Variants in PIK3CB observed in about 807,000 individuals in gnomAD.
PIK3CB encodes the protein phosphatidylinositol 4,5-bisphosphate 3-kinase catalytic subunit beta isoform.
In PIK3CB, 39 loss-of-function variants were observed where a neutral mutation model predicts 136.8. That is an observed-to-expected ratio of 0.29 (90% CI 0.22 to 0.37). PIK3CB has a LOEUF of 0.37. Ranked by LOEUF, PIK3CB falls within the 10% of genes least tolerant of loss-of-function variation. The pLI is 1.00. For synonymous variants in PIK3CB, 428 were observed against 436.6 expected (o/e 0.98, Z 0.25); for missense variants, 868 against 1,275.4 (o/e 0.68, Z 4.87).
chr3:138,693,763 A>G (rs1489712923), intron 14 of PIK3CB, among the ~76,000 whole-genome samples: 4 of 151,672 alleles, frequency 2.6e-5, no homozygotes, highest in African/African-American at 9.7e-5. Context: ...CATTTGTGTA[A>G]TAATAATTCC....
At chr3:138,762,046 A>G (rs1218924174) in intron 2 of PIK3CB, among the ~76,000 whole-genome samples, 1 of 151,932 alleles carries the variant, frequency 6.6e-6, no homozygotes, top group African/African-American at 2.4e-5. Flanking sequence ...CAGGAGTTTG[A>G]GACAAGCCTG....
chr3:138,734,467 T>C (rs773699352), intron 7 of PIK3CB, among the ~76,000 whole-genome samples, 167 bp downstream of exon 7: 1 of 152,188 alleles, frequency 6.6e-6, no homozygotes, highest in African/African-American at 2.4e-5. Flanking sequence ...GTAAAAATAA[T>C]AGTATCTAGA....
At chr3:138,708,662 C>T (rs2044430863) in intron 10 of PIK3CB, among the ~76,000 whole-genome samples, 1 of 150,212 alleles carries the variant, frequency 6.7e-6, no homozygotes, top group South Asian at 2.1e-4. Flanking sequence ...AGGCTGGATA[C>T]AAACTCCTAG....
intron 19 of PIK3CB, among the ~76,000 whole-genome samples, chr3:138,680,598 AT>A (rs1360271116): frequency 6.6e-6 from 1 of 152,162 alleles, no homozygotes; most frequent in Admixed American, 6.5e-5. Flanking sequence ...ATAATAGTAT[AT>A]AAAAATACCT....
intron 19 of PIK3CB, among the ~76,000 whole-genome samples, chr3:138,675,020 T>C (rs2043615790): frequency 6.6e-6 from 1 of 152,114 alleles, no homozygotes; most frequent in Non-Finnish European, 1.5e-5. Context: ...ACCGCGCCAC[T>C]GCACTCCAGC....
At position 138,737,636 on chromosome 3, in the gene PIK3CB, A is replaced by G. The variant is rs528110111; in HGVS notation, c.801+71T>C. 15 of 508,024 alleles carry G rather than the reference A, an allele frequency of 3.0e-5. 1 individual carries two copies. The Admixed American group carries it at 6.7e-4, about 23-fold the overall frequency. The allele number at this position is 508,024 out of a possible 1,614,324, so 31.5% of individuals were successfully genotyped here. A position where few individuals can be genotyped will look rare whatever the true frequency, so the allele number is the denominator to read the frequency against. On this transcript the variant is annotated intron_variant, in intron 6 of 23. Transcript: ENST00000674063. Reference sequence around the variant, plus strand: ...AGTGTGGGAACACATTTTTAAAGTCAGAAATAAAATATATATATATATATA... The same window carrying G: ...AGTGTGGGAACACATTTTTAAAGTCGGAAATAAAATATATATATATATATA...
intron 1 of PIK3CB, among the ~76,000 whole-genome samples, chr3:138,833,495 T>A (rs1488496273): frequency 1.3e-5 from 2 of 152,176 alleles, no homozygotes; most frequent in Non-Finnish European, 2.9e-5. Flanking sequence ...AATCTTACAA[T>A]GTAGCATAAA....
chr3:138,760,846 G>A (rs866795034), intron 2 of PIK3CB, among the ~76,000 whole-genome samples: 1 of 152,128 alleles, frequency 6.6e-6, no homozygotes, highest in African/African-American at 2.4e-5. Flanking sequence ...ATCTAAGGCT[G>A]CATTGAGCTA....
rs767438569 is a variant in PIK3CB at position 138,665,146 on chromosome 3, C to G, written c.2562G>C (p.Val854=). The change falls in exon 20 of 24, where the codon GTG becomes GTC. Residue 854 remains valine (V), a synonymous_variant. Transcript: ENST00000674063. ...TGTCAGCAATTGTTTCAGAGGTGCTCACAACTTCAATGAGGCCAGAGCGAT... is the reference window on the plus strand; with the variant it reads ...TGTCAGCAATTGTTTCAGAGGTGCTGACAACTTCAATGAGGCCAGAGCGAT... ...TGDRSGLIEV[V]STSETIADIQ... 1 of 1,613,234 alleles carries G rather than the reference C, an allele frequency of 6.2e-7. No homozygotes were observed. Among genetic ancestry groups the G allele is most frequent in the Non-Finnish European group, 8.5e-7 (1 of 1,179,586 alleles).
At chr3:138,685,405 A>C (rs1378424570) in intron 16 of PIK3CB, among the ~76,000 whole-genome samples, 1 of 140,014 alleles carries the variant, frequency 7.1e-6, no homozygotes, top group African/African-American at 2.8e-5. Context: ...TCAAAAAAAA[A>C]AAAAAAAAAA....
intron 19 of PIK3CB, among the ~76,000 whole-genome samples, chr3:138,679,882 C>T (rs915593839): frequency 5.5e-5 from 8 of 146,190 alleles, no homozygotes; most frequent in Non-Finnish European, 1.2e-4. Flanking sequence ...GCGTAAGCCA[C>T]TGCACCCAGC....
intron 1 of PIK3CB, chr3:138,825,938 C>G: frequency 6.4e-7 from 1 of 1,556,992 alleles, no homozygotes; most frequent in Non-Finnish European, 8.6e-7. Flanking sequence ...CAAAAATGAC[C>G]CACCAATGGA....
At chr3:138,707,346 A>G (rs1479290574) in intron 10 of PIK3CB, 57 bp from the exon 11 acceptor site, 1 of 1,542,126 alleles carries the variant, frequency 6.5e-7, no homozygotes, top group African/African-American at 1.4e-5. Context: ...TAGGCTTTAA[A>G]AAAGCTGTAA....
chr3:138,789,829 T>C (rs1170598695), intron 2 of PIK3CB, among the ~76,000 whole-genome samples: 1 of 151,956 alleles, frequency 6.6e-6, no homozygotes, highest in Non-Finnish European at 1.5e-5. Flanking sequence ...TAGGTGGGAC[T>C]GCAGATGCGG....
intron 1 of PIK3CB, among the ~76,000 whole-genome samples, chr3:138,827,436 C>T (rs1933830310): frequency 6.6e-6 from 1 of 151,784 alleles, no homozygotes; most frequent in African/African-American, 2.4e-5. Flanking sequence ...AGGAAGATGG[C>T]TTGAGGCCAA....
intron 2 of PIK3CB, among the ~76,000 whole-genome samples, chr3:138,766,198 TG>T (rs1344814406): frequency 6.6e-6 from 1 of 152,326 alleles, no homozygotes; most frequent in African/African-American, 2.4e-5. Context: ...AACTAATGTT[TG>T]ACTATAAAAC....
chr3:138,771,899 G>A (rs560864321), intron 2 of PIK3CB, among the ~76,000 whole-genome samples: 8 of 137,528 alleles, frequency 5.8e-5, no homozygotes, highest in Admixed American at 3.2e-4. Flanking sequence ...TCCAGCACGG[G>A]CAACAGAGCA....
chr3:138,808,450 G>A (rs2046257678), intron 1 of PIK3CB, among the ~76,000 whole-genome samples: 1 of 152,088 alleles, frequency 6.6e-6, no homozygotes. Flanking sequence ...GGGCAACAAG[G>A]TGAGTTGTTC....
intron 10 of PIK3CB, 156 bp from the exon 11 acceptor site, chr3:138,707,445 T>A: frequency 1.5e-6 from 2 of 1,363,804 alleles, no homozygotes; most frequent in Non-Finnish European, 1.9e-6. Flanking sequence ...TAATTTTCTG[T>A]TAATGCTTGG....
Sources: allele counts gnomAD v4.1 joint callset (sites outside exome capture counted in the v4.1 genomes callset), GRCh38; gene constraint gnomAD v4.1.1; transcripts MANE v1.5; gene names NCBI Gene and HGNC (gene_info 2026-07-23, HGNC 2026-07-21).